The following TMEM255A variants were observed in gnomAD, a reference collection of about 807,000 sequenced individuals.
TMEM255A encodes the protein family with sequence similarity 70, member A.
TMEM255A carries 14 observed loss-of-function variants against 23.5 expected under a neutral mutation model. The observed-to-expected ratio is 0.60, with a 90% confidence interval of 0.39 to 0.93. The LOEUF is 0.93. Ranked by LOEUF, TMEM255A falls within the 40% of genes least tolerant of loss-of-function variation. TMEM255A has a pLI of 0.00. For missense variants in TMEM255A, 233 were observed against 261.7 expected, an observed-to-expected ratio of 0.89 and a Z score of 0.76; for synonymous variants, 104 against 100.3, an observed-to-expected ratio of 1.04 and a Z score of -0.22.
At chrX:120,277,088 C>A (rs781902047) in intron 6 of TMEM255A, 41 bp from the exon 7 acceptor site, 1 of 1,149,104 alleles carries the variant, frequency 8.7e-7, no homozygotes, top group South Asian at 2.0e-5. Flanking sequence ...CCCCAGGGAG[C>A]AGGCTGTCCT....
intron 8 of TMEM255A, among the ~76,000 whole-genome samples, chrX:120,266,762 C>A (rs1296727403): frequency 2.7e-5 from 3 of 112,370 alleles, no homozygotes; most frequent in Non-Finnish European, 5.6e-5. Context: ...CTTGTTTTAG[C>A]TTCAACATCC....
At chrX:120,294,691 G>C in intron 2 of TMEM255A, among the ~76,000 whole-genome samples, 1 of 111,398 alleles carries the variant, frequency 9.0e-6, no homozygotes, top group South Asian at 3.7e-4. Context: ...ATATAATGAT[G>C]AAAAGCACAC....
intron 1 of TMEM255A, among the ~76,000 whole-genome samples, chrX:120,305,585 T>C (rs1426204281): frequency 3.6e-5 from 4 of 109,681 alleles, no homozygotes; most frequent in Middle Eastern, 4.7e-3. Context: ...AGTCTGTCCA[T>C]AAGACCCTGT....
chrX:120,301,489 C>T (rs1370245303), intron 2 of TMEM255A, among the ~76,000 whole-genome samples: 1 of 112,025 alleles, frequency 8.9e-6, no homozygotes, highest in Non-Finnish European at 1.9e-5. Flanking sequence ...CCAGATGACA[C>T]ATTATGATCC....
intron 6 of TMEM255A, among the ~76,000 whole-genome samples, chrX:120,280,606 C>T (rs782535689): frequency 1.8e-5 from 2 of 111,153 alleles, no homozygotes; most frequent in South Asian, 7.7e-4. Flanking sequence ...GCCTCCATCA[C>T]TGTAAGGCTG....
At chrX:120,307,487 T>C (rs1603404589) in intron 1 of TMEM255A, among the ~76,000 whole-genome samples, 2 of 112,271 alleles carry the variant, frequency 1.8e-5, no homozygotes, top group African/African-American at 3.2e-5. Flanking sequence ...AGCAGGTATA[T>C]GAAAATCATG....
At chrX:120,273,797 A>G (rs781943650) in intron 7 of TMEM255A, among the ~76,000 whole-genome samples, 1 of 112,054 alleles carries the variant, frequency 8.9e-6, no homozygotes, top group African/African-American at 3.2e-5. Flanking sequence ...TGGAACCCTC[A>G]CACACTGCAG....
In TMEM255A at chrX:120,291,298, C is replaced by T. The variant is rs201427617; in HGVS notation, c.307G>A (p.Ala103Thr). 11 of 1,207,363 alleles carry T rather than the reference C, an allele frequency of 9.1e-6. No homozygotes were observed. Among genetic ancestry groups the T allele is most frequent in the Non-Finnish European group, 1.2e-5 (11 of 893,945 alleles). ...IVFISFGVIA[A>T]FCCAIVDGVF... ...CCGTCAACTATGGCACAACAAAAAGCCGCAATCACACCAAAGCTGATAAAC... is the reference window on the plus strand; with the variant it reads ...CCGTCAACTATGGCACAACAAAAAGTCGCAATCACACCAAAGCTGATAAAC... Residue 103 changes from alanine to threonine, a missense_variant, in exon 4 of 9, where the codon GCT (alanine) becomes ACT (threonine). Physicochemically the swap from Ala to Thr is moderately conservative, Grantham distance 58. Transcript: ENST00000371369.
intron 6 of TMEM255A, among the ~76,000 whole-genome samples, chrX:120,283,777 T>C (rs1781193730): frequency 1.8e-5 from 2 of 111,377 alleles, no homozygotes; most frequent in African/African-American, 6.5e-5. Flanking sequence ...TGGCCTGCGC[T>C]CTTGCAATGG....
intron 7 of TMEM255A, among the ~76,000 whole-genome samples, chrX:120,271,637 A>C (rs1405554569): frequency 1.8e-5 from 2 of 109,070 alleles, no homozygotes; most frequent in African/African-American, 6.7e-5. Flanking sequence ...CAGTGTCTTC[A>C]ACAGATGTGC....
chrX:120,303,253 A>G (rs2058044343), intron 2 of TMEM255A, among the ~76,000 whole-genome samples: 1 of 111,768 alleles, frequency 8.9e-6, no homozygotes, highest in African/African-American at 3.3e-5. Context: ...TAAAATAATA[A>G]GAAACCAAAC....
At chrX:120,266,525 G>A (rs2057718939) in intron 8 of TMEM255A, among the ~76,000 whole-genome samples, 1 of 111,722 alleles carries the variant, frequency 9.0e-6, no homozygotes, top group Non-Finnish European at 1.9e-5. Flanking sequence ...AGGAATGATG[G>A]CTCCATACCC....
chrX:120,252,563 C>T, the TMEM255A span: 1 of 112,032 alleles, frequency 8.9e-6, no homozygotes, highest in African/African-American at 3.2e-5. Flanking sequence ...CATACCAATG[C>T]ATATGATTCT....
chrX:120,273,426 C>T, intron 7 of TMEM255A: 1 of 247,962 alleles, frequency 4.0e-6, no homozygotes, highest in Non-Finnish European at 7.7e-6. Context: ...GAAACTGATG[C>T]CTTAGAATCC....
rs989093579 is a variant in TMEM255A, at chrX:120,306,557, G to C, written c.59-2066C>G. Among the ~76,000 whole-genome samples, 6 of 111,502 alleles carry C rather than the reference G, an allele frequency of 5.4e-5. No individual in the cohort carries two copies. The East Asian group carries it at 1.7e-3, about 31-fold the overall frequency. ...TCTAGCCCTCCCCTGCCCCAAACTG[G>C]CAAAAGAGAGTGAGAGAACATTTGG... On this transcript the variant is annotated intron_variant, in intron 1 of 8. Transcript: ENST00000371369.
intron 2 of TMEM255A, among the ~76,000 whole-genome samples, chrX:120,296,768 TAA>T (rs1556024260): frequency 0.011 from 70 of 6,408 alleles, 3 homozygotes; most frequent in East Asian, 0.11. Context: ...TTATATATAT[TAA>T]ATATATTATA....
chrX:120,260,157 C>T lies in TMEM255A; in HGVS notation c.*713G>A. 2.7e-6 allele frequency: 2 copies of T among 736,795 alleles called. No homozygotes were observed. Among genetic ancestry groups the T allele is most frequent in the East Asian group, 1.5e-4 (1 of 6,646 alleles). The allele number at this position is 736,795 out of a possible 1,213,427, so 60.7% of individuals were successfully genotyped here. On this transcript the variant is annotated 3_prime_UTR_variant, in exon 9 of 9. Coordinates refer to ENST00000371369, the MANE Select transcript of TMEM255A (RefSeq NM_001104544.3). The stretch of plus-strand genomic sequence containing the variant: ...TGTCTCCTAAGTGATCTACTTAAAA[C>T]ATCTCACATGTTGCTGTGTATTTCA...
At chrX:120,288,983 G>A (rs1158454204) in intron 4 of TMEM255A, among the ~76,000 whole-genome samples, 3 of 111,885 alleles carry the variant, frequency 2.7e-5, no homozygotes, top group Non-Finnish European at 5.6e-5. Flanking sequence ...AGAGAAGGGT[G>A]AGTGAGAAGG....
chrX:120,306,491 C>A (rs1458631276), intron 1 of TMEM255A, among the ~76,000 whole-genome samples: 1 of 111,605 alleles, frequency 9.0e-6, no homozygotes, highest in Non-Finnish European at 1.9e-5. Flanking sequence ...AACATTGCCT[C>A]CCATTCTTGT....
Sources: gnomAD v4.1 joint callset for allele counts (sites outside exome capture counted in the v4.1 genomes callset) on GRCh38, gnomAD v4.1.1 for gene constraint, MANE v1.5 for transcripts, NCBI Gene and HGNC (gene_info 2026-07-23, HGNC 2026-07-21) for gene names.